Variants in CDK18 observed in about 807,000 individuals in gnomAD.
CDK18 encodes the protein cyclin dependent kinase 18, also known as cyclin-dependent kinase 18.
In CDK18, 52 loss-of-function variants were observed where a neutral mutation model predicts 62.0. That is an observed-to-expected ratio of 0.84 (90% CI 0.67 to 1.06). CDK18 has a LOEUF of 1.06. Ranked by LOEUF, CDK18 falls within the 50% of genes least tolerant of loss-of-function variation. The pLI is 0.00. For synonymous variants in CDK18, 237 were observed against 247.0 expected (o/e 0.96, Z 0.38); for missense variants, 604 against 619.9 (o/e 0.97, Z 0.27).
Position 205,526,075 on chromosome 1 carries a change from C to T in CDK18, c.467C>T (p.Ala156Val), listed in dbSNP as rs1453869920. 1 of 1,612,476 alleles carries T rather than the reference C, an allele frequency of 6.2e-7. No individual in the cohort carries two copies. Among genetic ancestry groups the T allele is most frequent in the Non-Finnish European group, 8.5e-7 (1 of 1,179,312 alleles). Residue 156 changes from alanine to valine, a missense_variant, in exon 6 of 16, where the codon GCC (alanine) becomes GTC (valine). By Grantham distance (64) the Ala-to-Val change is moderately conservative (BLOSUM62 0). Coordinates refer to ENST00000429964, the MANE Select transcript of CDK18 (RefSeq NM_212502.3). Reference protein sequence around the residue: ...KLDKLGEGTYATVFKGRSKLT... With the variant: ...KLDKLGEGTYVTVFKGRSKLT... ...GGCCCTCCATCCCAGGGCACCTATG[C>T]CACAGTCTTCAAAGGGCGCAGCAAA...
chr1:205,529,256 A>G, intron 11 of CDK18, 68 bp from the exon 12 acceptor site: 1 of 1,456,060 alleles, frequency 6.9e-7, no homozygotes, highest in South Asian at 1.2e-5. Context: ...CATACATTGC[A>G]TCCCTTTCAA....
intron 14 of CDK18, 116 bp downstream of exon 14, chr1:205,530,465 C>T (rs1434663843): frequency 1.6e-6 from 2 of 1,255,016 alleles, no homozygotes; most frequent in African/African-American, 2.9e-5. Flanking sequence ...CAGAGCAGCC[C>T]CGGGCACCTT....
chr1:205,525,472 G>T (rs1358389462), intron 5 of CDK18, among the ~76,000 whole-genome samples: 2 of 152,132 alleles, frequency 1.3e-5, no homozygotes, highest in Non-Finnish European at 2.9e-5. Context: ...TCTTGCCTGG[G>T]TTCAAAACCT....
chr1:205,530,716 G>A lies in CDK18; in HGVS notation c.1390+11G>A, dbSNP rs1224072628. 3 of 1,611,430 alleles carry A rather than the reference G, an allele frequency of 1.9e-6. No individual in the cohort carries two copies. The South Asian group carries it at 3.3e-5, about 18-fold the overall frequency. On this transcript the variant is annotated intron_variant, in intron 15 of 15. Transcript: ENST00000429964. ...CCTTCCAGCAGCCAGGTAGGGGCTT[G>A]TGCTCTCCTGGACCCCTCCCCTTGT... is the stretch of plus-strand genomic sequence containing the variant.
rs748768587 is a variant in CDK18, at chr1:205,523,198, C to T, written c.31C>T (p.Arg11Cys). Residue 11 changes from arginine (R) to cysteine (C), a missense_variant, in exon 2 of 16, where the codon CGC becomes TGC. Coordinates refer to ENST00000429964, the MANE Select transcript of CDK18 (RefSeq NM_212502.3). ...CATGAACAAGATGAAGAACTTTAAG[C>T]GCCGTTTCTCCCTGTCAGTGCCCCG... MIMNKMKNFK[R>C]RFSLSVPRTE... 10 of 1,613,278 alleles carry T rather than the reference C, an allele frequency of 6.2e-6. No individual in the cohort carries two copies. Among genetic ancestry groups the T allele is most frequent in the Middle Eastern group, 3.3e-4 (2 of 6,050 alleles).
intron 15 of CDK18, 129 bp downstream of exon 15, chr1:205,530,834 A>T: frequency 8.1e-6 from 6 of 742,698 alleles, no homozygotes; most frequent in Non-Finnish European, 1.4e-5. Context: ...GGGAGCAGAG[A>T]AGGGGTTGGT....
rs745331977 is a variant in CDK18 at position 205,525,106 on chromosome 1, A to G, written c.400-33A>G. 25 of 1,559,258 alleles carry G rather than the reference A, an allele frequency of 1.6e-5. No individual in the cohort carries two copies. The Admixed American group carries it at 4.1e-4, about 25-fold the overall frequency. ...TGTCTGTGGAGCTGCTAAGGGCTTC[A>G]AGCTCACGGCATTCTATGTCTCTCC... is the stretch of plus-strand genomic sequence containing the variant. On this transcript the variant is annotated intron_variant, in intron 4 of 15. Transcript: ENST00000429964.
At chr1:205,515,297 C>T (rs60944185) in intron 1 of CDK18, among the ~76,000 whole-genome samples, 21,347 of 151,654 alleles carry the variant, frequency 0.14, 2,486 homozygotes, top group East Asian at 0.65. Flanking sequence ...CTGCCTCAGC[C>T]TCCCAAGTAG....
intron 1 of CDK18, among the ~76,000 whole-genome samples, chr1:205,509,139 C>G (rs1391835842): frequency 6.6e-6 from 1 of 152,126 alleles, no homozygotes; most frequent in East Asian, 1.9e-4. Flanking sequence ...AGAAACAAAA[C>G]AAAACAAAAC....
Position 205,531,433 on chromosome 1 carries a change from C to T in CDK18, c.*55C>T, listed in dbSNP as rs1432151517. Reference sequence around the variant, plus strand: ...CAAGAGATCACATGGAGCACAAATTCGGGTAGGATGGAGCCTGTGTGGCCC... The same window carrying T: ...CAAGAGATCACATGGAGCACAAATTTGGGTAGGATGGAGCCTGTGTGGCCC... On this transcript the variant is annotated 3_prime_UTR_variant, in exon 16 of 16. Coordinates refer to ENST00000429964, the MANE Select transcript of CDK18 (RefSeq NM_212502.3). 20 of 1,534,178 alleles carry T rather than the reference C, an allele frequency of 1.3e-5. No homozygotes were observed. Among genetic ancestry groups the T allele is most frequent in the Admixed American group, 3.3e-5 (2 of 59,890 alleles).
chr1:205,527,977 A>G lies in CDK18; in HGVS notation c.853+60A>G, dbSNP rs1352058227. On this transcript the variant is annotated intron_variant, in intron 9 of 15. Coordinates refer to ENST00000429964, the MANE Select transcript of CDK18 (RefSeq NM_212502.3). The surrounding 1 kb of genome is among the most constrained non-coding windows in gnomAD (Gnocchi z 4.1). ...CTGGGGTGCCTCAGGGTGTGGGTGC[A>G]GTGGGGGAGGGCATAGCAGTCAACC... 3.1e-6 allele frequency: 5 copies of G among 1,612,720 alleles called. No homozygotes were observed. Among genetic ancestry groups the G allele is most frequent in the Middle Eastern group, 1.6e-4 (1 of 6,076 alleles).
At chr1:205,529,874 A>G (rs1668651021) in intron 13 of CDK18, 2 of 1,351,814 alleles carry the variant, frequency 1.5e-6, no homozygotes, top group Admixed American at 2.7e-5. Context: ...GTGAGGATAC[A>G]TTGAGATGAC....
chr1:205,530,760 G>T, intron 15 of CDK18, 55 bp downstream of exon 15: 1 of 1,465,848 alleles, frequency 6.8e-7, no homozygotes, highest in Non-Finnish European at 9.5e-7. Context: ...GCCAGAGCAG[G>T]CGACCCCTCC....
chr1:205,515,173 A>ATTT (rs34027094), intron 1 of CDK18, among the ~76,000 whole-genome samples: 2,947 of 117,696 alleles, frequency 0.025, 155 homozygotes, highest in African/African-American at 0.051. Context: ...GCTTTGAAGG[A>ATTT]TTTTTTTTTT....
intron 1 of CDK18, among the ~76,000 whole-genome samples, chr1:205,519,878 C>T (rs1385568256): frequency 6.6e-6 from 1 of 152,164 alleles, no homozygotes. Context: ...ATGGTTGCTA[C>T]TTGTAGATTC....
Position 205,527,759 on chromosome 1 carries a change from C to T in CDK18, c.730-35C>T. The T allele has an allele frequency of 2.5e-6, 4 of 1,609,818 alleles. No homozygotes were observed. Among genetic ancestry groups the T allele is most frequent in the East Asian group, 2.2e-5 (1 of 44,858 alleles). On this transcript the variant is annotated intron_variant, in intron 8 of 15. Transcript: ENST00000429964. This position sits in a 1 kb window ranked among gnomAD's most constrained non-coding sequence, Gnocchi z 4.1. ...GCCTTGGAGCAGAGGCTCAGGGCCA[C>T]CTTCCACCCCACATTTCTCTTCCCC...
intron 1 of CDK18, among the ~76,000 whole-genome samples, chr1:205,507,274 A>T (rs1667351669): frequency 6.6e-6 from 1 of 152,042 alleles, no homozygotes; most frequent in Non-Finnish European, 1.5e-5. Flanking sequence ...TCACTAGCAC[A>T]CTCGTGAATT....
intron 3 of CDK18, chr1:205,523,842 C>T: frequency 1.5e-6 from 1 of 662,446 alleles, no homozygotes; most frequent in Non-Finnish European, 2.6e-6. Flanking sequence ...TTATCTATGC[C>T]AAGTGCTTAG....
chr1:205,527,926 G>C lies in CDK18; in HGVS notation c.853+9G>C. 1 of 1,614,064 alleles carries C rather than the reference G, an allele frequency of 6.2e-7. No individual in the cohort carries two copies. Among genetic ancestry groups the C allele is most frequent in the Non-Finnish European group, 8.5e-7 (1 of 1,179,992 alleles). On this transcript the variant is annotated intron_variant, in intron 9 of 15. Coordinates refer to ENST00000429964, the MANE Select transcript of CDK18 (RefSeq NM_212502.3). This position sits in a 1 kb window ranked among gnomAD's most constrained non-coding sequence, Gnocchi z 4.1. ...GAAGCTGGCCGACTTTGGTGAGGCT[G>C]GGGCTAGGGTGGGGGTCTGACGCTA... is the stretch of plus-strand genomic sequence containing the variant.
Sources: gnomAD v4.1 joint callset for allele counts (sites outside exome capture counted in the v4.1 genomes callset) on GRCh38, gnomAD v4.1.1 for gene constraint, Gnocchi (gnomAD v3.1) non-coding constraint, MANE v1.5 for transcripts, NCBI Gene and HGNC (gene_info 2026-07-23, HGNC 2026-07-21) for gene names.